SLC16A10: variants seen among roughly 807,000 people sequenced by gnomAD.
SLC16A10 encodes monocarboxylate transporter 10.
In SLC16A10, 27 loss-of-function variants were observed where a neutral mutation model predicts 40.0. The ratio of observed to expected loss-of-function variants is 0.67; its 90% CI spans 0.50 to 0.93. The LOEUF is 0.93. SLC16A10 is among the 40% of genes least tolerant of loss of function. The pLI is 0.00. For synonymous variants in SLC16A10, 213 were observed against 249.8 expected, an observed-to-expected ratio of 0.85 and a Z score of 1.39; for missense variants, 529 against 658.2, an observed-to-expected ratio of 0.80 and a Z score of 2.15.
chr6:111,121,008 G>T (rs1219246739), intron 1 of SLC16A10, among the ~76,000 whole-genome samples: 1 of 151,892 alleles, frequency 6.6e-6, no homozygotes, highest in Non-Finnish European at 1.5e-5. Context: ...TTCCCTAATA[G>T]AAAAAAATAT....
intron 1 of SLC16A10, among the ~76,000 whole-genome samples, chr6:111,100,948 C>T (rs1350218793): frequency 2.5e-5 from 2 of 78,452 alleles, no homozygotes; most frequent in Admixed American, 1.4e-4. Context: ...TTCTCTCTCG[C>T]TCTTTCTCTC....
intron 1 of SLC16A10, among the ~76,000 whole-genome samples, chr6:111,112,789 A>G: frequency 6.6e-6 from 1 of 152,252 alleles, no homozygotes; most frequent in East Asian, 1.9e-4. Flanking sequence ...GCTGTACAGA[A>G]TTGGCAGCAA....
intron 1 of SLC16A10, among the ~76,000 whole-genome samples, chr6:111,118,528 A>G (rs577643086): frequency 6.6e-6 from 1 of 152,138 alleles, no homozygotes; most frequent in East Asian, 1.9e-4. Flanking sequence ...AAAAAATCCA[A>G]AAATTAGCTG....
intron 1 of SLC16A10, among the ~76,000 whole-genome samples, chr6:111,161,059 C>T (rs9387003): frequency 0.5 from 75,626 of 150,960 alleles, 19,578 homozygotes; most frequent in East Asian, 0.7. Context: ...CCCGTCTCTA[C>T]TAAAAATACA....
chr6:111,175,964 G>A (rs936769455), intron 2 of SLC16A10, among the ~76,000 whole-genome samples: 9 of 152,022 alleles, frequency 5.9e-5, no homozygotes, highest in Non-Finnish European at 5.9e-5. Context: ...CAAAGTGTTG[G>A]GATTACAGGT....
At chr6:111,132,161 C>T (rs1481041252) in intron 1 of SLC16A10, among the ~76,000 whole-genome samples, 1 of 151,686 alleles carries the variant, frequency 6.6e-6, no homozygotes, top group African/African-American at 2.4e-5. Context: ...TTGCCAGGGT[C>T]CCAGGTTTGT....
intron 1 of SLC16A10, among the ~76,000 whole-genome samples, chr6:111,154,251 A>G (rs1363361144): frequency 6.6e-6 from 1 of 152,248 alleles, no homozygotes; most frequent in Non-Finnish European, 1.5e-5. Flanking sequence ...TTATATGTGC[A>G]TTAATTTATA....
intron 1 of SLC16A10, among the ~76,000 whole-genome samples, chr6:111,104,211 A>G (rs1370899046): frequency 2.0e-5 from 3 of 152,192 alleles, no homozygotes; most frequent in Non-Finnish European, 4.4e-5. Flanking sequence ...GATACTGAGG[A>G]TTTCTGAAGA....
chr6:111,187,459 C>T (rs1163922518), intron 3 of SLC16A10, among the ~76,000 whole-genome samples: 1 of 152,064 alleles, frequency 6.6e-6, no homozygotes, highest in Non-Finnish European at 1.5e-5. Context: ...TTGTACAGAT[C>T]AGGTAGTTGC....
At chr6:111,128,622 G>C (rs1771723837) in intron 1 of SLC16A10, among the ~76,000 whole-genome samples, 1 of 152,168 alleles carries the variant, frequency 6.6e-6, no homozygotes, top group African/African-American at 2.4e-5. Flanking sequence ...CTCGAAGTCG[G>C]ATGCAGTAAG....
At chr6:111,117,769 A>AG (rs1313719627) in intron 1 of SLC16A10, among the ~76,000 whole-genome samples, 1 of 152,226 alleles carries the variant, frequency 6.6e-6, no homozygotes, top group Non-Finnish European at 1.5e-5. Flanking sequence ...AAAAACTAAT[A>AG]GACTGTAAGA....
At chr6:111,101,140 C>T (rs1771181246) in intron 1 of SLC16A10, among the ~76,000 whole-genome samples, 1 of 151,540 alleles carries the variant, frequency 6.6e-6, no homozygotes, top group Admixed American at 6.6e-5. Context: ...AAGTGATCCT[C>T]CCACCTCAAC....
At chr6:111,154,453 C>A (rs1011199263) in intron 1 of SLC16A10, among the ~76,000 whole-genome samples, 1 of 152,166 alleles carries the variant, frequency 6.6e-6, no homozygotes, top group Non-Finnish European at 1.5e-5. Flanking sequence ...AGTCCCATAG[C>A]AAATTTGACT....
rs1771021455 is a variant in SLC16A10 at position 111,227,406 on chromosome 6, A to G, written c.*5171A>G. 1 of 152,210 alleles carries G rather than the reference A, an allele frequency of 6.6e-6. No homozygotes were observed. The highest frequency in any genetic ancestry group is 1.5e-5 in the Non-Finnish European group (1 of 68,040). The allele number at this position is 152,210 out of a possible 1,614,324, so 9.4% of individuals were successfully genotyped here. ...GCTCGCAGTTAAGTGTGAAGCTTGC[A>G]TAAGTGTCGGAACCACAATTATGGA... On this transcript the variant is annotated 3_prime_UTR_variant, in exon 6 of 6. Transcript: ENST00000368851.
At chr6:111,089,929 T>G (rs1429469240) in intron 1 of SLC16A10, among the ~76,000 whole-genome samples, 22 of 119,908 alleles carry the variant, frequency 1.8e-4, no homozygotes, top group African/African-American at 6.8e-4. Context: ...TTTTTTTTTT[T>G]TTTTTTTTTT....
In SLC16A10 at chr6:111,192,627, G is replaced by T. The variant is rs557658813; in HGVS notation, c.943-13965G>T. 7.2e-5 allele frequency among the ~76,000 whole-genome samples: 11 copies of T among 152,254 alleles called. No individual in the cohort carries two copies. In the East Asian group the frequency reaches 1.9e-3, roughly 27 times the overall value. On this transcript the variant is annotated intron_variant, in intron 3 of 5. Coordinates refer to ENST00000368851, the MANE Select transcript of SLC16A10 (RefSeq NM_018593.5). ...AATCTGTTCTCATGCTGCTAATAAA[G>T]ACATACCCGAAACTGGGCAATTTAT...
At chr6:111,164,762 A>C (rs1381388787) in intron 1 of SLC16A10, among the ~76,000 whole-genome samples, 1 of 152,168 alleles carries the variant, frequency 6.6e-6, no homozygotes, top group Admixed American at 6.5e-5. Context: ...TTGAAAAAAC[A>C]AAAAAGAGAA....
At chr6:111,180,272 A>G (rs1241653521) in intron 3 of SLC16A10, among the ~76,000 whole-genome samples, 2 of 152,240 alleles carry the variant, frequency 1.3e-5, no homozygotes, top group Non-Finnish European at 2.9e-5. Context: ...AGCCAGGCAC[A>G]GTGGCTCACG....
At chr6:111,130,156 C>T (rs1771755225) in intron 1 of SLC16A10, among the ~76,000 whole-genome samples, 1 of 152,148 alleles carries the variant, frequency 6.6e-6, no homozygotes, top group South Asian at 2.1e-4. Context: ...AGACCTGCTC[C>T]CTGCCACACT....
Sources: gnomAD v4.1 joint callset for allele counts (sites outside exome capture counted in the v4.1 genomes callset) on GRCh38, gnomAD v4.1.1 for gene constraint, MANE v1.5 for transcripts, NCBI Gene and HGNC (gene_info 2026-07-23, HGNC 2026-07-21) for gene names.